Variants in PPP1R10 observed in about 807,000 individuals in gnomAD.
PPP1R10 encodes serine/threonine-protein phosphatase 1 regulatory subunit 10.
A neutral mutation model predicts 99.0 loss-of-function variants in PPP1R10; 15 were observed. The ratio of observed to expected loss-of-function variants is 0.15; its 90% CI spans 0.10 to 0.23. The LOEUF is 0.23. Ranked by LOEUF, PPP1R10 falls within the 10% of genes least tolerant of loss-of-function variation. PPP1R10 has a pLI of 1.00. For synonymous variants in PPP1R10, 430 were observed against 449.5 expected (o/e 0.96, Z 0.55); for missense variants, 947 against 1,259.4 (o/e 0.75, Z 3.75).
rs2127435312 is a variant in PPP1R10, at chr6:30,602,181, A to G, written c.2468T>C (p.Met823Thr). ...GGGGCGATGTCCACCACCGGCACCC[A>G]TTCCTCCGCCAGGGCCTTCATGGGG... ...HRPHEGPGGG[M>T]GAGGGHRPHE... Residue 823 changes from methionine to threonine, a missense_variant, in exon 19 of 20, where the codon ATG becomes ACG. Transcript: ENST00000376511. The surrounding 1 kb of genome is among the most constrained non-coding windows in gnomAD (Gnocchi z 6.7). The G allele has an allele frequency of 1.9e-6, 3 of 1,609,474 alleles. No individual in the cohort carries two copies. The highest frequency in any genetic ancestry group is 2.5e-6 in the Non-Finnish European group (3 of 1,178,740).
intron 1 of PPP1R10, 67 bp downstream of exon 1, chr6:30,617,157 C>T (rs191707691): frequency 4.6e-5 from 7 of 153,812 alleles, no homozygotes; most frequent in Admixed American, 4.5e-4. Flanking sequence ...CCATCCCTAT[C>T]CCGCTTCCCA....
At position 30,609,225 on chromosome 6, in the gene PPP1R10, G is replaced by T; in HGVS notation, c.108-62C>A. ...CAGTATCTCTTCTCTTAGCAAAAGC[G>T]CCTCTCTGTGAACTGCCTAGAGATT... On this transcript the variant is annotated intron_variant, in intron 3 of 19. Coordinates refer to ENST00000376511, the MANE Select transcript of PPP1R10 (RefSeq NM_002714.4). This position sits in a 1 kb window ranked among gnomAD's most constrained non-coding sequence, Gnocchi z 4.5. 2 of 1,517,056 alleles carry T rather than the reference G, an allele frequency of 1.3e-6. No homozygotes were observed. Among genetic ancestry groups the T allele is most frequent in the Non-Finnish European group, 1.8e-6 (2 of 1,095,756 alleles). 94.0% of individuals were successfully genotyped at this position (1,517,056 alleles called of 1,614,324 possible).
At chr6:30,608,555 C>T (rs2127445021) in intron 5 of PPP1R10, among the ~76,000 whole-genome samples, 1 of 152,306 alleles carries the variant, frequency 6.6e-6, no homozygotes, top group South Asian at 2.1e-4. Flanking sequence ...CCCGCCTCAG[C>T]CTCTCAAAGT....
At position 30,601,666 on chromosome 6, in the gene PPP1R10, A is replaced by G. The variant is rs538022554; in HGVS notation, c.2714-8T>C. ...CAGGGCGGTTTGACATGTCTGTGGG[A>G]ACGATGGCAAAACAGTTAGACAGGA... On this transcript the variant is annotated splice_polypyrimidine_tract_variant and splice_region_variant and intron_variant, in intron 19 of 19. Coordinates refer to ENST00000376511, the MANE Select transcript of PPP1R10 (RefSeq NM_002714.4). 1 of 1,612,352 alleles carries G rather than the reference A, an allele frequency of 6.2e-7. No homozygotes were observed. The highest frequency in any genetic ancestry group is 1.1e-5 in the South Asian group (1 of 91,030).
chr6:30,609,244 AGAG>A lies in PPP1R10; in HGVS notation c.108-84_108-82del, dbSNP rs558605228. On this transcript the variant is annotated intron_variant, in intron 3 of 19. Coordinates refer to ENST00000376511, the MANE Select transcript of PPP1R10 (RefSeq NM_002714.4). This position sits in a 1 kb window ranked among gnomAD's most constrained non-coding sequence, Gnocchi z 4.5. ...AAAAGCGCCTCTCTGTGAACTGCCT[AGAG>A]ATTCCTAATGACTTGGGACTTTGCT... 832 of 1,301,002 alleles carry A rather than the reference AGAG, an allele frequency of 6.4e-4. 3 individuals are homozygous for A. Among genetic ancestry groups the A allele is most frequent in the Middle Eastern group, 1.6e-3 (9 of 5,466 alleles). The allele number at this position is 1,301,002 out of a possible 1,614,324, so 80.6% of individuals were successfully genotyped here.
At chr6:30,601,898 C>A in intron 19 of PPP1R10, 38 bp downstream of exon 19, 1 of 1,472,504 alleles carries the variant, frequency 6.8e-7, no homozygotes, top group African/African-American at 1.4e-5. Flanking sequence ...TTGTATGGGA[C>A]AACCAAAAGG....
At chr6:30,610,105 G>A (rs1043336990) in intron 2 of PPP1R10, 150 bp from the exon 3 acceptor site, 8 of 625,016 alleles carry the variant, frequency 1.3e-5, no homozygotes, top group African/African-American at 3.7e-5. Flanking sequence ...ATGAAAAATC[G>A]ACACAGACCA....
At chr6:30,615,875 T>A (rs1484110074) in intron 2 of PPP1R10, among the ~76,000 whole-genome samples, 1 of 152,178 alleles carries the variant, frequency 6.6e-6, no homozygotes, top group African/African-American at 2.4e-5. Flanking sequence ...GCCACCTATT[T>A]TAACCACACA....
At position 30,603,990 on chromosome 6, in the gene PPP1R10, G is replaced by A. The variant is rs959566051; in HGVS notation, c.1508+18C>T. On this transcript the variant is annotated intron_variant, in intron 14 of 19. Coordinates refer to ENST00000376511, the MANE Select transcript of PPP1R10 (RefSeq NM_002714.4). ...CCAAGCACTCAACATCCCAGGGCAC[G>A]AACCCCACTCTGCTCACCTCTCCTT... The A allele has an allele frequency of 1.1e-5, 17 of 1,563,538 alleles. No individual in the cohort carries two copies. Among genetic ancestry groups the A allele is most frequent in the African/African-American group, 5.4e-5 (4 of 73,474 alleles).
chr6:30,604,114 C>T lies in PPP1R10; in HGVS notation c.1402G>A (p.Val468Ile), dbSNP rs777885937. ...KVPWVCPRPL[V>I]LPSPLVTPGS... ...GGGGTGACAAGAGGTGAGGGCAGAACCAGGGGCCGGGGGCACACCCAGGGC... is the reference window on the plus strand; with the variant it reads ...GGGGTGACAAGAGGTGAGGGCAGAATCAGGGGCCGGGGGCACACCCAGGGC... The change falls in exon 14 of 20, where the codon GTT becomes ATT. Residue 468 changes from valine to isoleucine, a missense_variant. Val to Ile is a conservative substitution (Grantham distance 29). This residue lies in a region of PPP1R10 where 50 missense variants were observed against 78.6 expected (regional missense o/e 0.64). Coordinates refer to ENST00000376511, the MANE Select transcript of PPP1R10 (RefSeq NM_002714.4). This position sits in a 1 kb window ranked among gnomAD's most constrained non-coding sequence, Gnocchi z 7.3. 7 of 1,614,084 alleles carry T rather than the reference C, an allele frequency of 4.3e-6. No individual in the cohort carries two copies. In the South Asian group the frequency reaches 7.7e-5, roughly 18 times the overall value.
In PPP1R10 at chr6:30,601,375, A is replaced by G; in HGVS notation, c.*174T>C. On this transcript the variant is annotated 3_prime_UTR_variant, in exon 20 of 20. Transcript: ENST00000376511. ...CAGACTGGAGGAAAATATGTACATC[A>G]ATGCGCACCAGTGATCAGAAAACCC... 1.7e-6 allele frequency: 1 copy of G among 602,038 alleles called. No individual in the cohort carries two copies. The highest frequency in any genetic ancestry group is 3.0e-6 in the Non-Finnish European group (1 of 336,596). 37.3% of individuals were successfully genotyped at this position (602,038 alleles called of 1,614,324 possible).
At chr6:30,611,800 C>T (rs1234663540) in intron 2 of PPP1R10, among the ~76,000 whole-genome samples, 1 of 152,140 alleles carries the variant, frequency 6.6e-6, no homozygotes. Flanking sequence ...GCCCTGGAAC[C>T]TCCACAAATA....
At chr6:30,612,787 T>A (rs1372290478) in intron 2 of PPP1R10, among the ~76,000 whole-genome samples, 1 of 152,144 alleles carries the variant, frequency 6.6e-6, no homozygotes, top group Non-Finnish European at 1.5e-5. Flanking sequence ...TGGAAAGGAA[T>A]GTAAAGTCCA....
In PPP1R10 at chr6:30,609,249, T is replaced by C; in HGVS notation, c.108-86A>G. The C allele has an allele frequency of 1.6e-6, 2 of 1,254,866 alleles. No individual in the cohort carries two copies. Among genetic ancestry groups the C allele is most frequent in the Middle Eastern group, 1.9e-4 (1 of 5,400 alleles). The allele number at this position is 1,254,866 out of a possible 1,614,324, so 77.7% of individuals were successfully genotyped here. A position where few individuals can be genotyped will look rare whatever the true frequency, so the allele number is the denominator to read the frequency against. The stretch of plus-strand genomic sequence containing the variant: ...CGCCTCTCTGTGAACTGCCTAGAGA[T>C]TCCTAATGACTTGGGACTTTGCTCC... On this transcript the variant is annotated intron_variant, in intron 3 of 19. Coordinates refer to ENST00000376511, the MANE Select transcript of PPP1R10 (RefSeq NM_002714.4). The surrounding 1 kb of genome is among the most constrained non-coding windows in gnomAD (Gnocchi z 4.5).
intron 2 of PPP1R10, 141 bp from the exon 3 acceptor site, chr6:30,610,096 T>A (rs9348841): frequency 6.3e-6 from 4 of 637,782 alleles, no homozygotes; most frequent in Non-Finnish European, 1.1e-5. Flanking sequence ...TTTTTAGATA[T>A]GAAAAATCGA....
intron 10 of PPP1R10, 78 bp from the exon 11 acceptor site, chr6:30,605,172 A>C: frequency 7.5e-7 from 1 of 1,335,436 alleles, no homozygotes; most frequent in Non-Finnish European, 1.1e-6. Context: ...GTCCAGGCAT[A>C]AAATGAGCCA....
At chr6:30,608,257 G>A (rs1000483702) in intron 5 of PPP1R10, among the ~76,000 whole-genome samples, 6 of 147,696 alleles carry the variant, frequency 4.1e-5, no homozygotes, top group African/African-American at 1.5e-4. Flanking sequence ...ATCCCAAAGT[G>A]TTGGGATTAC....
chr6:30,615,735 T>C (rs1582682195), intron 2 of PPP1R10, among the ~76,000 whole-genome samples: 1 of 152,322 alleles, frequency 6.6e-6, no homozygotes, highest in East Asian at 1.9e-4. Context: ...AATCACTCTT[T>C]TGCTTTTAAA....
intron 2 of PPP1R10, among the ~76,000 whole-genome samples, chr6:30,615,016 G>A (rs956140086): frequency 1.3e-5 from 2 of 152,166 alleles, no homozygotes; most frequent in African/African-American, 4.8e-5. Flanking sequence ...AGAGGGTGGA[G>A]AGAGGAGGAA....
Sources: allele counts gnomAD v4.1 joint callset (sites outside exome capture counted in the v4.1 genomes callset), GRCh38; gene constraint gnomAD v4.1.1; regional missense constraint gnomAD v4.1.1; non-coding constraint Gnocchi (gnomAD v3.1); transcripts MANE v1.5; gene names NCBI Gene and HGNC (gene_info 2026-07-23, HGNC 2026-07-21).